The following TRIM67 variants were observed in gnomAD, a reference collection of about 807,000 sequenced individuals.
The protein encoded by TRIM67 is tripartite motif containing 67.
Under a neutral mutation model 71.0 loss-of-function variants are expected in TRIM67, and 39 were observed. The ratio of observed to expected loss-of-function variants is 0.55; its 90% CI spans 0.43 to 0.72. The LOEUF (loss-of-function observed/expected upper bound fraction) is 0.72, where lower values mean the gene tolerates loss of function less well. Among genes scored for constraint, TRIM67 ranks in the 30% least tolerant of loss-of-function variants. TRIM67 has a pLI of 0.00. For synonymous variants in TRIM67, 481 were observed against 473.9 expected, an observed-to-expected ratio of 1.01 and a Z score of -0.19; for missense variants, 973 against 1,079.2, an observed-to-expected ratio of 0.90 and a Z score of 1.38.
Position 231,215,505 on chromosome 1 carries a change from C to A in TRIM67, c.*65C>A. On this transcript the variant is annotated 3_prime_UTR_variant, in exon 10 of 10. Transcript: ENST00000366653. ...TCACAGGCAAAACGCCCACCATTCT[C>A]ACTAAGCTCAAATAACCCACAAAAG... is the stretch of plus-strand genomic sequence containing the variant. 6.6e-7 allele frequency: 1 copy of A among 1,507,938 alleles called. No individual in the cohort carries two copies. The allele number at this position is 1,507,938 out of a possible 1,614,324, so 93.4% of individuals were successfully genotyped here. A position where few individuals can be genotyped will look rare whatever the true frequency, so the allele number is the denominator to read the frequency against.
rs771310806 is a variant in TRIM67, at chr1:231,215,332, C to G, written c.2287-43C>G. ...GCTGTCAGAGCCCTCAGGGTCCCTG[C>G]GGCAGCCTCTCCCACCCTCACTTGC... On this transcript the variant is annotated intron_variant, in intron 9 of 9. Transcript: ENST00000366653. The G allele has an allele frequency of 3.1e-6, 5 of 1,599,342 alleles. No individual in the cohort carries two copies. The East Asian group carries it at 9.0e-5, about 29-fold the overall frequency.
chr1:231,219,517 G>A lies in TRIM67; in HGVS notation c.*4077G>A, dbSNP rs564880189. 2 of 1,073,830 alleles carry A rather than the reference G, an allele frequency of 1.9e-6. No homozygotes were observed. The highest frequency in any genetic ancestry group is 3.4e-5 in the African/African-American group (2 of 59,028). 66.5% of individuals were successfully genotyped at this position (1,073,830 alleles called of 1,614,324 possible). ...ATGTGTCTTCAGGGGGCAGGTAGGG[G>A]AAAATGGGGTGAGCCACCTCCAACA... On this transcript the variant is annotated 3_prime_UTR_variant, in exon 10 of 10. Coordinates refer to ENST00000366653, the MANE Select transcript of TRIM67 (RefSeq NM_001004342.5).
At chr1:231,177,111 C>A (rs2102722069) in intron 1 of TRIM67, among the ~76,000 whole-genome samples, 1 of 152,198 alleles carries the variant, frequency 6.6e-6, no homozygotes, top group South Asian at 2.1e-4. Context: ...GCTCATCTCA[C>A]CACTTATGCA....
At chr1:231,215,343 C>T (rs1683988270) in intron 9 of TRIM67, 32 bp from the exon 10 acceptor site, 2 of 1,607,756 alleles carry the variant, frequency 1.2e-6, no homozygotes, top group Non-Finnish European at 8.5e-7. Context: ...GGCAGCCTCT[C>T]CCACCCTCAC....
intron 6 of TRIM67, among the ~76,000 whole-genome samples, chr1:231,206,231 C>T (rs1683691550): frequency 6.6e-6 from 1 of 151,656 alleles, no homozygotes; most frequent in African/African-American, 2.4e-5. Flanking sequence ...AGTTCGAGAC[C>T]AGTCTGGCCA....
chr1:231,218,608 G>T lies in TRIM67; in HGVS notation c.*3168G>T, dbSNP rs770244721. The T allele has an allele frequency of 2.6e-5, 26 of 985,300 alleles. No individual in the cohort carries two copies. The highest frequency in any genetic ancestry group is 2.9e-5 in the Non-Finnish European group (24 of 829,940). The allele number at this position is 985,300 out of a possible 1,614,324, so 61.0% of individuals were successfully genotyped here. ...TGCTTTTCCTCTCTCTGTTCTCCTT[G>T]GGAAAATAATGATTCCAATTAAAGA... On this transcript the variant is annotated 3_prime_UTR_variant, in exon 10 of 10. Transcript: ENST00000366653.
chr1:231,211,413 G>C (rs185579196), intron 8 of TRIM67, among the ~76,000 whole-genome samples: 1,821 of 152,274 alleles, frequency 0.012, 14 homozygotes, highest in Non-Finnish European at 0.019. Context: ...CGAGGCAGCC[G>C]GGAAGTTGGA....
chr1:231,171,526 G>A (rs1682618080), intron 1 of TRIM67, among the ~76,000 whole-genome samples: 1 of 152,130 alleles, frequency 6.6e-6, no homozygotes, highest in Non-Finnish European at 1.5e-5. Context: ...CCCAGGTAGT[G>A]GTGGAGGTTA....
Position 231,163,599 on chromosome 1 carries a change from G to C in TRIM67, c.630G>C (p.Leu210=), listed in dbSNP as rs1282064163. Residue 210 remains leucine, a synonymous_variant, in exon 1 of 10, where the codon CTG becomes CTC. Coordinates refer to ENST00000366653, the MANE Select transcript of TRIM67 (RefSeq NM_001004342.5). ...SAAAAVAICQ[L]CDRTPPEPAA... Reference sequence around the variant, plus strand: ...CCGCGGCGGTGGCCATCTGCCAGCTGTGCGACCGCACCCCGCCAGAGCCAG... The same window carrying C: ...CCGCGGCGGTGGCCATCTGCCAGCTCTGCGACCGCACCCCGCCAGAGCCAG... 6 of 1,517,418 alleles carry C rather than the reference G, an allele frequency of 4.0e-6. No individual in the cohort carries two copies. In the South Asian group the frequency reaches 7.4e-5, roughly 19 times the overall value. The allele number at this position is 1,517,418 out of a possible 1,614,324, so 94.0% of individuals were successfully genotyped here.
intron 1 of TRIM67, among the ~76,000 whole-genome samples, chr1:231,180,012 A>C (rs1188776198): frequency 6.6e-6 from 1 of 152,164 alleles, no homozygotes; most frequent in Non-Finnish European, 1.5e-5. Context: ...ACAGTCACCA[A>C]AAGTAAGTGT....
chr1:231,213,716 G>A, intron 8 of TRIM67, 99 bp from the exon 9 acceptor site: 4 of 1,414,298 alleles, frequency 2.8e-6, no homozygotes, highest in Non-Finnish European at 2.9e-6. Flanking sequence ...GGGTGACAGA[G>A]TGAGACCGTG....
intron 1 of TRIM67, among the ~76,000 whole-genome samples, chr1:231,186,774 C>T (rs1683088650): frequency 6.6e-6 from 1 of 152,158 alleles, no homozygotes; most frequent in African/African-American, 2.4e-5. Flanking sequence ...TCGCCCTTCC[C>T]CTGAGGCTGG....
chr1:231,179,383 G>A (rs955790442), intron 1 of TRIM67, among the ~76,000 whole-genome samples: 1 of 152,252 alleles, frequency 6.6e-6, no homozygotes, highest in Admixed American at 6.5e-5. Flanking sequence ...AATTACATCT[G>A]TAATGGCCCT....
chr1:231,198,472 C>T (rs778828172), intron 2 of TRIM67, among the ~76,000 whole-genome samples: 41 of 152,154 alleles, frequency 2.7e-4, no homozygotes, highest in Non-Finnish European at 5.4e-4. Flanking sequence ...CCGCAACCTC[C>T]GCCTCCCAGG....
At chr1:231,214,888 C>T (rs530482775) in intron 9 of TRIM67, among the ~76,000 whole-genome samples, 27 of 152,156 alleles carry the variant, frequency 1.8e-4, no homozygotes, top group Non-Finnish European at 8.8e-5. Flanking sequence ...TCGCTTGAGC[C>T]CAGAAGTTTG....
chr1:231,184,727 C>A, intron 1 of TRIM67: 2 of 460,316 alleles, frequency 4.3e-6, no homozygotes, highest in Non-Finnish European at 7.8e-6. Flanking sequence ...GTCGGGGAAG[C>A]TCTCTCTGGG....
chr1:231,208,916 A>C (rs762356510), intron 7 of TRIM67, 31 bp from the exon 8 acceptor site: 2 of 1,542,156 alleles, frequency 1.3e-6, no homozygotes, highest in Non-Finnish European at 8.8e-7. Context: ...CCATCCCCTG[A>C]CCCTGCTCCT....
At chr1:231,211,982 ACG>A (rs1326357402) in intron 8 of TRIM67, among the ~76,000 whole-genome samples, 25 of 152,182 alleles carry the variant, frequency 1.6e-4, no homozygotes, top group Admixed American at 1.5e-3. Flanking sequence ...AGTTAAGGAA[ACG>A]CTACACTTTG....
Position 231,220,119 on chromosome 1 carries a change from T to C in TRIM67, c.*4679T>C, listed in dbSNP as rs1011729544. ...TAAAGAAAAAAAGTGCAGTCTTTCA[T>C]CTCTGGCATCTAAGCTAATGATTCC... On this transcript the variant is annotated 3_prime_UTR_variant, in exon 10 of 10. Transcript: ENST00000366653. 2.1e-6 allele frequency: 1 copy of C among 465,400 alleles called. No individual in the cohort carries two copies. Among genetic ancestry groups the C allele is most frequent in the Non-Finnish European group, 3.7e-6 (1 of 267,132 alleles). The allele number at this position is 465,400 out of a possible 1,614,324, so 28.8% of individuals were successfully genotyped here.
Sources: allele counts gnomAD v4.1 joint callset (sites outside exome capture counted in the v4.1 genomes callset), GRCh38; gene constraint gnomAD v4.1.1; transcripts MANE v1.5; gene names NCBI Gene and HGNC (gene_info 2026-07-23, HGNC 2026-07-21).